ROBO2: variants seen among roughly 807,000 people sequenced by gnomAD.
ROBO2 encodes the protein roundabout guidance receptor 2, also known as roundabout homolog 2.
In ROBO2, 53 loss-of-function variants were observed where a neutral mutation model predicts 160.8. The ratio of observed to expected loss-of-function variants is 0.33; its 90% CI spans 0.26 to 0.41. The LOEUF (loss-of-function observed/expected upper bound fraction) is 0.41, where lower values mean the gene tolerates loss of function less well. Among genes scored for constraint, ROBO2 ranks in the 10% least tolerant of loss-of-function variants. ROBO2 has a pLI of 1.00. For missense variants in ROBO2, 1,577 were observed against 1,722.4 expected (o/e 0.92, Z 1.49); for synonymous variants, 664 against 611.7 (o/e 1.09, Z -1.26).
chr3:75,909,078 G>A (rs1174031926), intron 1 of ROBO2, among the ~76,000 whole-genome samples: 2 of 152,136 alleles, frequency 1.3e-5, no homozygotes, highest in African/African-American at 2.4e-5. Flanking sequence ...AGGTAGAAAC[G>A]GAATGCTCTT....
Position 76,886,281 on chromosome 3 carries a change from C to T in ROBO2, c.110-211733C>T, listed in dbSNP as rs552008664. ...AAAAATATATATATATATATAGACCCTTTGGATTGCAGATAACTTCATTAA... is the reference window on the plus strand; with the variant it reads ...AAAAATATATATATATATATAGACCTTTTGGATTGCAGATAACTTCATTAA... On this transcript the variant is annotated intron_variant, in intron 2 of 26. Coordinates refer to the ROBO2 transcript ENST00000487694. Among the ~76,000 whole-genome samples the T allele has an allele frequency of 4.6e-5, 7 of 151,486 alleles. No individual in the cohort carries two copies. In the East Asian group the frequency reaches 1.2e-3, roughly 25 times the overall value.
intron 2 of ROBO2, among the ~76,000 whole-genome samples, chr3:76,806,669 G>A (rs1446960059): frequency 1.3e-5 from 2 of 151,988 alleles, no homozygotes; most frequent in Non-Finnish European, 2.9e-5. Flanking sequence ...TCCCAACAGC[G>A]TTTAATGAGG....
intron 2 of ROBO2, among the ~76,000 whole-genome samples, chr3:77,172,689 G>A (rs767144403): frequency 1.3e-5 from 2 of 152,154 alleles, no homozygotes; most frequent in Non-Finnish European, 2.9e-5. Flanking sequence ...TAATACTGCT[G>A]AGTGATTACA....
At chr3:77,300,365 A>G (rs887632756) in intron 2 of ROBO2, among the ~76,000 whole-genome samples, 2 of 152,106 alleles carry the variant, frequency 1.3e-5, no homozygotes, top group Non-Finnish European at 2.9e-5. Flanking sequence ...CTTAAGATTC[A>G]GGCTCTAACT....
intron 2 of ROBO2, among the ~76,000 whole-genome samples, chr3:76,192,524 CCACACACACACACACACACACACA>C (rs3039244): frequency 7.7e-6 from 1 of 130,082 alleles, no homozygotes; most frequent in Non-Finnish European, 1.6e-5. Flanking sequence ...CAACACTCCA[CCACACACACACACACACACACACA>C]CACACACACA....
intron 5 of ROBO2, among the ~76,000 whole-genome samples, chr3:77,501,538 A>G (rs1352571856): frequency 6.6e-6 from 1 of 152,248 alleles, no homozygotes; most frequent in Non-Finnish European, 1.5e-5. Flanking sequence ...GCCATAATTC[A>G]TCATGTTATT....
intron 2 of ROBO2, among the ~76,000 whole-genome samples, chr3:77,324,171 G>GGACT (rs2065114177): frequency 6.6e-6 from 1 of 152,052 alleles, no homozygotes; most frequent in Non-Finnish European, 1.5e-5. Flanking sequence ...AAGTCACAGG[G>GGACT]GACTGGCTAT....
At chr3:76,667,830 A>G (rs910456191) in intron 2 of ROBO2, among the ~76,000 whole-genome samples, 1 of 152,146 alleles carries the variant, frequency 6.6e-6, no homozygotes, top group Non-Finnish European at 1.5e-5. Context: ...AAGATTACAT[A>G]AAAACGACTG....
At chr3:76,204,511 A>G (rs1702707677) in intron 2 of ROBO2, among the ~76,000 whole-genome samples, 1 of 152,214 alleles carries the variant, frequency 6.6e-6, no homozygotes, top group South Asian at 2.1e-4. Flanking sequence ...GAGAAATAGA[A>G]TGTTCTAAAA....
chr3:76,272,971 A>AAATATATAATATATATTATATAT lies in ROBO2; in HGVS notation c.109+335377_109+335378insATATATATTATATATAATATATA, dbSNP rs1559706741. 7.5e-4 allele frequency among the ~76,000 whole-genome samples: 15 copies of AAATATATAATATATATTATATAT among 19,928 alleles called. 1 individual carries two copies. In the East Asian group the frequency reaches 0.012, roughly 15 times the overall value. The allele number at this position is 19,928 out of a possible 152,430, so 13.1% of individuals were successfully genotyped here. On this transcript the variant is annotated intron_variant, in intron 2 of 26. Coordinates refer to the ROBO2 transcript ENST00000487694. ...AATATATAATATATATTTATATATA[A>AAATATATAATATATATTATATAT]AATATATATAATATATAATATATAA...
chr3:75,993,185 G>A (rs1269332392), intron 2 of ROBO2, among the ~76,000 whole-genome samples: 7 of 152,086 alleles, frequency 4.6e-5, no homozygotes, highest in Admixed American at 6.5e-5. Flanking sequence ...TCCAGGGGCC[G>A]AATTATATAG....
chr3:76,864,538 A>C (rs2071149958), intron 2 of ROBO2, among the ~76,000 whole-genome samples: 1 of 152,018 alleles, frequency 6.6e-6, no homozygotes, highest in South Asian at 2.1e-4. Context: ...AGTTGACATC[A>C]TACCATTTCT....
intron 2 of ROBO2, among the ~76,000 whole-genome samples, chr3:76,999,792 A>G (rs918375471): frequency 3.3e-5 from 5 of 152,132 alleles, no homozygotes; most frequent in African/African-American, 1.2e-4. Context: ...CGCCGTGCTG[A>G]TTTTCATCTT....
chr3:76,879,546 A>T (rs968199166), intron 2 of ROBO2, among the ~76,000 whole-genome samples: 1 of 152,134 alleles, frequency 6.6e-6, no homozygotes, highest in Non-Finnish European at 1.5e-5. Flanking sequence ...CTATAAAGTA[A>T]AACTGCCAAC....
intron 2 of ROBO2, among the ~76,000 whole-genome samples, chr3:77,150,390 C>T (rs1284347227): frequency 6.6e-6 from 1 of 152,010 alleles, no homozygotes; most frequent in East Asian, 1.9e-4. Flanking sequence ...TATAGCAAAA[C>T]GTAAAGAAAG....
intron 2 of ROBO2, among the ~76,000 whole-genome samples, chr3:77,110,460 T>C (rs2073424455): frequency 6.6e-6 from 1 of 151,914 alleles, no homozygotes; most frequent in South Asian, 2.1e-4. Context: ...TTACTCTTTT[T>C]ATTTTTTTAT....
intron 1 of ROBO2, among the ~76,000 whole-genome samples, chr3:77,054,474 A>G (rs984256438): frequency 3.3e-5 from 5 of 152,264 alleles, no homozygotes; most frequent in Admixed American, 3.3e-4. Context: ...AAAGTATTGG[A>G]TGGAGTAGGG....
At chr3:76,199,819 C>G (rs1052845965) in intron 2 of ROBO2, among the ~76,000 whole-genome samples, 1 of 152,156 alleles carries the variant, frequency 6.6e-6, no homozygotes, top group Non-Finnish European at 1.5e-5. Flanking sequence ...CTGCCTACAG[C>G]TTCTCTATGC....
intron 2 of ROBO2, among the ~76,000 whole-genome samples, chr3:76,035,961 T>G (rs1361587414): frequency 6.6e-6 from 1 of 152,016 alleles, no homozygotes; most frequent in East Asian, 1.9e-4. Context: ...CTAACAGCTT[T>G]CGAAGAATTA....
Sources: allele counts gnomAD v4.1 joint callset (sites outside exome capture counted in the v4.1 genomes callset), GRCh38; gene constraint gnomAD v4.1.1; transcripts MANE v1.5; gene names NCBI Gene and HGNC (gene_info 2026-07-23, HGNC 2026-07-21).